Variants in TUSC3 observed in about 807,000 individuals in gnomAD.
TUSC3 encodes dolichyl-diphosphooligosaccharide--protein glycosyltransferase subunit TUSC3.
Under a neutral mutation model 44.8 loss-of-function variants are expected in TUSC3, and 45 were observed. The ratio of observed to expected loss-of-function variants is 1.00; its 90% confidence interval spans 0.79 to 1.29. The LOEUF (loss-of-function observed/expected upper bound fraction) is 1.29. Among genes scored for constraint, TUSC3 ranks in the 50% most tolerant of loss-of-function variants. TUSC3 has a pLI of 0.00. For synonymous variants in TUSC3, 212 were observed against 152.9 expected, an observed-to-expected ratio of 1.39 and a Z score of -2.85; for missense variants, 519 against 437.9, an observed-to-expected ratio of 1.19 and a Z score of -1.65.
intron 6 of TUSC3, among the ~76,000 whole-genome samples, chr8:15,695,038 T>C (rs893856595): frequency 9.2e-5 from 14 of 152,196 alleles, no homozygotes; most frequent in Admixed American, 2.6e-4. Context: ...CTTTTGGGCA[T>C]GTGCCCTCCA....
intron 5 of TUSC3, among the ~76,000 whole-genome samples, chr8:15,665,573 G>A (rs1160848591): frequency 1.3e-5 from 2 of 150,772 alleles, no homozygotes; most frequent in African/African-American, 4.9e-5. Context: ...TTAGGGTGTA[G>A]GATGGAGATA....
chr8:15,713,323 A>G (rs1035244261), intron 6 of TUSC3, among the ~76,000 whole-genome samples: 1 of 152,170 alleles, frequency 6.6e-6, no homozygotes, highest in Non-Finnish European at 1.5e-5. Context: ...TTTAATTTAC[A>G]TGCTTGTAAG....
chr8:15,556,262 T>C (rs984179366), intron 1 of TUSC3, among the ~76,000 whole-genome samples: 1 of 144,616 alleles, frequency 6.9e-6, no homozygotes, highest in African/African-American at 2.5e-5. Context: ...CGGTGTTTGG[T>C]TTTTTGTTCT....
chr8:15,538,915 T>G (rs1801578547), upstream of TUSC3, among the ~76,000 whole-genome samples: 1 of 151,868 alleles, frequency 6.6e-6, no homozygotes, highest in Non-Finnish European at 1.5e-5. Flanking sequence ...TGTAGCATGA[T>G]CGGAACTCAC....
chr8:15,753,757 C>T (rs1811806765), intron 9 of TUSC3, among the ~76,000 whole-genome samples: 1 of 151,920 alleles, frequency 6.6e-6, no homozygotes, highest in African/African-American at 2.4e-5. Context: ...TAAAAGACTG[C>T]AGAGATATAT....
chr8:15,463,761 G>T lies in TUSC3; in HGVS notation n.92-19625G>T, dbSNP rs190115270. On this transcript the variant is annotated intron_variant and non_coding_transcript_variant, in intron 1 of 5. Coordinates refer to the TUSC3 transcript ENST00000503191. ...CAGCTTGGCTTACCTTCTGTCATCA[G>T]TTCGTCGCTTCTCTACAACCAGGAT... is the stretch of plus-strand genomic sequence containing the variant. Among the ~76,000 whole-genome samples the T allele has an allele frequency of 8.9e-4, 136 of 152,262 alleles. 1 individual carries two copies. The highest frequency in any genetic ancestry group is 3.0e-3 in the African/African-American group (126 of 41,572).
intron 2 of TUSC3, among the ~76,000 whole-genome samples, chr8:15,506,956 T>C (rs7838229): frequency 0.97 from 148,031 of 152,290 alleles, 72,076 homozygotes; most frequent in East Asian, 1. Context: ...CCTTTTTGTC[T>C]GGTCATATTT....
chr8:15,456,138 C>G (rs1800254133), intron 1 of TUSC3, among the ~76,000 whole-genome samples: 1 of 152,204 alleles, frequency 6.6e-6, no homozygotes, highest in Non-Finnish European at 1.5e-5. Flanking sequence ...CATCCTCACT[C>G]CTTTCCTCAC....
chr8:15,835,714 C>G, the TUSC3 span, among the ~76,000 whole-genome samples: 2 of 152,092 alleles, frequency 1.3e-5, no homozygotes, highest in African/African-American at 4.8e-5. Flanking sequence ...AAGATACAGT[C>G]TCTACTTTCA....
chr8:15,534,460 G>A (rs1050125312), intron 2 of TUSC3, among the ~76,000 whole-genome samples: 4 of 151,902 alleles, frequency 2.6e-5, no homozygotes, highest in Admixed American at 6.6e-5. Flanking sequence ...AAACTAACAC[G>A]GTGAAACCCC....
the TUSC3 span, among the ~76,000 whole-genome samples, chr8:15,840,443 A>T: frequency 6.6e-6 from 1 of 152,194 alleles, no homozygotes; most frequent in East Asian, 1.9e-4. Context: ...GCAAAGAATG[A>T]AAAGTCTTTG....
intron 1 of TUSC3, among the ~76,000 whole-genome samples, chr8:15,433,735 T>A (rs1268559904): frequency 2.6e-5 from 4 of 152,156 alleles, no homozygotes; most frequent in Non-Finnish European, 5.9e-5. Context: ...TGCTTGAGTG[T>A]TTTTGATGTT....
chr8:15,514,892 C>A (rs1713052271), intron 2 of TUSC3, among the ~76,000 whole-genome samples: 2 of 152,174 alleles, frequency 1.3e-5, no homozygotes, highest in East Asian at 1.9e-4. Context: ...GGGTATAATA[C>A]AAACTATATT....
upstream of TUSC3, among the ~76,000 whole-genome samples, chr8:15,535,830 G>T (rs929238927): frequency 4.6e-5 from 7 of 152,154 alleles, no homozygotes; most frequent in Non-Finnish European, 1.0e-4. Flanking sequence ...GACGTGTTGG[G>T]AGATCAGAGC....
chr8:15,755,960 T>C (rs1811911883), intron 9 of TUSC3, among the ~76,000 whole-genome samples: 1 of 152,194 alleles, frequency 6.6e-6, no homozygotes, highest in African/African-American at 2.4e-5. Flanking sequence ...AGAAGATGTC[T>C]GTAGTAACAT....
chr8:15,561,611 C>T (rs376579973), intron 1 of TUSC3: 54 of 155,266 alleles, frequency 3.5e-4, no homozygotes, highest in East Asian at 1.1e-3. Context: ...GCCTCACTGC[C>T]GCCTTGCAGT....
intron 6 of TUSC3, among the ~76,000 whole-genome samples, chr8:15,698,128 T>C (rs751759503): frequency 2.0e-5 from 3 of 152,298 alleles, no homozygotes; most frequent in East Asian, 1.9e-4. Context: ...AAAAATACTA[T>C]TGAAGTTTAT....
chr8:15,716,042 G>C (rs1810043865), intron 6 of TUSC3, among the ~76,000 whole-genome samples: 1 of 152,044 alleles, frequency 6.6e-6, no homozygotes, highest in Admixed American at 6.6e-5. Context: ...GTTCACTTGA[G>C]ATAAGGAGTT....
intron 6 of TUSC3, among the ~76,000 whole-genome samples, chr8:15,698,695 T>C (rs775985182): frequency 3.9e-4 from 59 of 152,344 alleles, no homozygotes; most frequent in Non-Finnish European, 3.2e-4. Flanking sequence ...CTCTCATTAC[T>C]AGGTGAAAAT....
Sources: allele counts gnomAD v4.1 joint callset (sites outside exome capture counted in the v4.1 genomes callset), GRCh38; gene constraint gnomAD v4.1.1; transcripts MANE v1.5; gene names NCBI Gene and HGNC (gene_info 2026-07-23, HGNC 2026-07-21).